The following GLRA3 variants were observed in gnomAD, a reference collection of about 807,000 sequenced individuals.
The protein encoded by GLRA3 is glycine receptor subunit alpha-3.
Under a neutral mutation model 60.4 loss-of-function variants are expected in GLRA3, and 44 were observed. The observed-to-expected ratio is 0.73, with a 90% confidence interval of 0.57 to 0.94. GLRA3 has a LOEUF of 0.94. Ranked by LOEUF, GLRA3 falls within the 40% of genes least tolerant of loss-of-function variation. The pLI is 0.00. For missense variants in GLRA3, 508 were observed against 564.6 expected (o/e 0.90, Z 1.02); for synonymous variants, 223 against 192.9 (o/e 1.16, Z -1.29).
intron 1 of GLRA3, among the ~76,000 whole-genome samples, chr4:174,828,088 T>A (rs930181541): frequency 7.9e-5 from 12 of 152,288 alleles, no homozygotes; most frequent in East Asian, 5.8e-4. Flanking sequence ...AGGATCATGA[T>A]AAGAAAATGA....
intron 2 of GLRA3, among the ~76,000 whole-genome samples, chr4:174,768,079 G>A (rs921738926): frequency 5.3e-5 from 8 of 152,050 alleles, no homozygotes; most frequent in African/African-American, 1.9e-4. Flanking sequence ...AGCTCTTTGA[G>A]TGAGGCTCTT....
chr4:174,794,204 C>T (rs1313099820), intron 1 of GLRA3, among the ~76,000 whole-genome samples: 7 of 151,946 alleles, frequency 4.6e-5, no homozygotes, highest in Admixed American at 4.6e-4. Flanking sequence ...CCATTGAAAC[C>T]CACCTATTAT....
At chr4:174,785,495 C>G (rs1739087456) in intron 2 of GLRA3, among the ~76,000 whole-genome samples, 1 of 152,092 alleles carries the variant, frequency 6.6e-6, no homozygotes, top group African/African-American at 2.4e-5. Context: ...CTGTTATACA[C>G]TTTGCTTTTG....
At chr4:174,747,830 T>C (rs1427132003) in intron 3 of GLRA3, among the ~76,000 whole-genome samples, 1 of 138,934 alleles carries the variant, frequency 7.2e-6, no homozygotes, top group Middle Eastern at 3.9e-3. Context: ...ACTTACTGAT[T>C]AGACTACTGT....
chr4:174,706,046 G>A (rs1007203812), intron 5 of GLRA3, among the ~76,000 whole-genome samples: 1 of 151,972 alleles, frequency 6.6e-6, no homozygotes, highest in Admixed American at 6.6e-5. Flanking sequence ...TGTGTAACAT[G>A]GTGAAACCCC....
chr4:174,651,533 A>T (rs891123130), intron 9 of GLRA3, among the ~76,000 whole-genome samples: 1 of 152,156 alleles, frequency 6.6e-6, no homozygotes, highest in Non-Finnish European at 1.5e-5. Flanking sequence ...AAAGAATACA[A>T]ATAACAACTT....
intron 7 of GLRA3, among the ~76,000 whole-genome samples, chr4:174,666,930 G>A (rs1043060303): frequency 6.6e-6 from 1 of 151,570 alleles, no homozygotes; most frequent in African/African-American, 2.4e-5. Flanking sequence ...TTTGTCATAG[G>A]GAGGATTCAA....
chr4:174,784,109 CACATATACACCATGGA>C (rs1739014255), intron 2 of GLRA3, among the ~76,000 whole-genome samples: 1 of 144,436 alleles, frequency 6.9e-6, no homozygotes, highest in South Asian at 2.3e-4. Context: ...GAAAATGTGG[CACATATACACCATGGA>C]ATACTATGCA....
chr4:174,749,595 G>A (rs914150061), intron 3 of GLRA3, among the ~76,000 whole-genome samples: 1 of 152,102 alleles, frequency 6.6e-6, no homozygotes, highest in Non-Finnish European at 1.5e-5. Context: ...AATGTCACAG[G>A]CATGAGGGAG....
Position 174,642,868 on chromosome 4 carries a change from C to G in GLRA3, c.*918G>C, listed in dbSNP as rs1299174990. 1 of 698,558 alleles carries G rather than the reference C, an allele frequency of 1.4e-6. No individual in the cohort carries two copies. The highest frequency in any genetic ancestry group is 2.0e-5 in the African/African-American group (1 of 50,168). 43.3% of individuals were successfully genotyped at this position (698,558 alleles called of 1,614,324 possible). On this transcript the variant is annotated 3_prime_UTR_variant, in exon 10 of 10. Transcript: ENST00000274093. ...TTTATCAAAATGTAAATACTTTAATCCCATTGAATTTTAAAGTCACATTCT... is the reference window on the plus strand; with the variant it reads ...TTTATCAAAATGTAAATACTTTAATGCCATTGAATTTTAAAGTCACATTCT...
intron 2 of GLRA3, among the ~76,000 whole-genome samples, chr4:174,783,767 G>C (rs899236085): frequency 5.9e-4 from 89 of 151,230 alleles, no homozygotes; most frequent in Non-Finnish European, 1.0e-3. Flanking sequence ...AAACCACAAT[G>C]AGATACCATC....
chr4:174,759,700 G>A (rs964645421), intron 3 of GLRA3, among the ~76,000 whole-genome samples: 3 of 152,076 alleles, frequency 2.0e-5, no homozygotes, highest in Non-Finnish European at 4.4e-5. Flanking sequence ...ACAAGACAAC[G>A]TGATATCAGT....
Position 174,647,280 on chromosome 4 carries a change from C to T in GLRA3, c.1117-3216G>A, listed in dbSNP as rs903757587. Among the ~76,000 whole-genome samples the T allele has an allele frequency of 1.3e-4, 20 of 151,856 alleles. No individual in the cohort carries two copies. In the East Asian group the frequency reaches 2.7e-3, roughly 21 times the overall value. ...AAAATTAGCCAGGTGTGGTGGTGGG[C>T]GCCTGTGGGCCCAGCTACTCTGGAG... On this transcript the variant is annotated intron_variant, in intron 9 of 9. Coordinates refer to ENST00000274093, the MANE Select transcript of GLRA3 (RefSeq NM_006529.4).
At chr4:174,678,526 T>G (rs1011289559) in intron 6 of GLRA3, among the ~76,000 whole-genome samples, 1 of 152,204 alleles carries the variant, frequency 6.6e-6, no homozygotes, top group Admixed American at 6.5e-5. Context: ...AGTGCAAAGC[T>G]TCTATTCATG....
At chr4:174,678,291 C>T (rs1380629466) in intron 6 of GLRA3, among the ~76,000 whole-genome samples, 4 of 152,130 alleles carry the variant, frequency 2.6e-5, no homozygotes, top group South Asian at 2.1e-4. Flanking sequence ...CCTGGTTCTA[C>T]TCCCTACTCT....
At chr4:174,791,058 A>G (rs1364477390) in intron 1 of GLRA3, among the ~76,000 whole-genome samples, 12 of 151,742 alleles carry the variant, frequency 7.9e-5, no homozygotes, top group Admixed American at 7.9e-4. Context: ...AATCCTTCAC[A>G]TTGTGCACAG....
intron 7 of GLRA3, among the ~76,000 whole-genome samples, chr4:174,676,620 A>G (rs1227930666): frequency 6.6e-6 from 1 of 152,130 alleles, no homozygotes; most frequent in East Asian, 1.9e-4. Flanking sequence ...ATATGTATAG[A>G]CACAGGCACA....
chr4:174,787,311 A>G (rs1739160938), intron 2 of GLRA3, among the ~76,000 whole-genome samples: 1 of 152,122 alleles, frequency 6.6e-6, no homozygotes, highest in Admixed American at 6.6e-5. Context: ...ATCACTGAAT[A>G]TGGACTCACC....
chr4:174,775,296 C>T (rs1738556168), intron 2 of GLRA3, among the ~76,000 whole-genome samples: 1 of 152,070 alleles, frequency 6.6e-6, no homozygotes, highest in South Asian at 2.1e-4. Flanking sequence ...AAAATGCTAA[C>T]ATTTACCCTA....
Sources: gnomAD v4.1 joint callset for allele counts (sites outside exome capture counted in the v4.1 genomes callset) on GRCh38, gnomAD v4.1.1 for gene constraint, MANE v1.5 for transcripts, NCBI Gene and HGNC (gene_info 2026-07-23, HGNC 2026-07-21) for gene names.